ZNF143: variants seen among roughly 807,000 people sequenced by gnomAD.
ZNF143 encodes the protein SPH-binding factor.
In ZNF143, 49 loss-of-function variants were observed where a neutral mutation model predicts 74.1. That is an observed-to-expected ratio of 0.66 (90% CI 0.53 to 0.84). The LOEUF is 0.84. Ranked by LOEUF, ZNF143 falls within the 40% of genes least tolerant of loss-of-function variation. The probability of loss-of-function intolerance (pLI) is 0.00; values close to 1 mark genes in which losing one functional copy is unlikely to be tolerated. For synonymous variants in ZNF143, 304 were observed against 282.8 expected (o/e 1.07, Z -0.75); for missense variants, 637 against 793.4 (o/e 0.80, Z 2.37).
At chr11:9,469,131 CAA>C (rs1216508959) in intron 1 of ZNF143, among the ~76,000 whole-genome samples, 1 of 111,658 alleles carries the variant, frequency 9.0e-6, no homozygotes. Flanking sequence ...GATGCCATCT[CAA>C]AAAAAAAAAA....
intron 8 of ZNF143, among the ~76,000 whole-genome samples, chr11:9,495,960 C>G (rs917582034): frequency 6.6e-6 from 1 of 152,134 alleles, no homozygotes; most frequent in East Asian, 1.9e-4. Context: ...TAGCAGCAGC[C>G]TCCACACTCT....
At chr11:9,498,287 G>C (rs1277730108) in intron 10 of ZNF143, among the ~76,000 whole-genome samples, 1 of 152,224 alleles carries the variant, frequency 6.6e-6, no homozygotes, top group Non-Finnish European at 1.5e-5. Context: ...TCATAGCTCT[G>C]TTAGATTCTC....
At position 9,517,343 on chromosome 11, in the gene ZNF143, G is replaced by A. The variant is rs1005590497; in HGVS notation, c.1686+981G>A. Among the ~76,000 whole-genome samples the A allele has an allele frequency of 3.9e-5, 6 of 152,026 alleles. No individual in the cohort carries two copies. The East Asian group carries it at 1.2e-3, about 29-fold the overall frequency. On this transcript the variant is annotated intron_variant, in intron 14 of 15. Transcript: ENST00000396602. ...CTGCATTGTATTCCACTGTATGGAT[G>A]TGCCGCAATTAAAGTCTTTTGCTAT...
Position 9,496,355 on chromosome 11 carries a change from G to A in ZNF143, c.818G>A (p.Gly273Asp), listed in dbSNP as rs956739629. 21 of 1,614,090 alleles carry A rather than the reference G, an allele frequency of 1.3e-5. No individual in the cohort carries two copies. Among genetic ancestry groups the A allele is most frequent in the Non-Finnish European group, 1.8e-5 (21 of 1,180,014 alleles). ...GDRPYQCEHA[G>D]CGKAFATGYG... is the part of the protein sequence containing the mutation. ...CGGCCTTATCAGTGTGAGCATGCAGGCTGTGGGAAGGCATTTGCAACAGGT... is the reference window on the plus strand; with the variant it reads ...CGGCCTTATCAGTGTGAGCATGCAGACTGTGGGAAGGCATTTGCAACAGGT... The change falls in exon 9 of 16, where the codon GGC becomes GAC. Residue 273 changes from glycine (G) to aspartate (D), a missense_variant. This residue lies in a region of ZNF143 where 344 missense variants were observed against 485.6 expected (regional missense o/e 0.71). Transcript: ENST00000396602.
chr11:9,507,837 T>C (rs116461373), intron 11 of ZNF143, among the ~76,000 whole-genome samples: 2,868 of 152,348 alleles, frequency 0.019, 81 homozygotes, highest in African/African-American at 0.064. Flanking sequence ...TGCAACTGTT[T>C]CGGAATAATC....
intron 7 of ZNF143, among the ~76,000 whole-genome samples, chr11:9,487,600 G>A (rs1471311776): frequency 1.3e-5 from 2 of 152,048 alleles, no homozygotes; most frequent in African/African-American, 2.4e-5. Flanking sequence ...CTCATGATCC[G>A]CCTGCCTCGG....
In ZNF143 at chr11:9,491,630, T is replaced by A. The variant is rs1331343364; in HGVS notation, c.646-3016T>A. On this transcript the variant is annotated intron_variant, in intron 7 of 15. Coordinates refer to ENST00000396602, the MANE Select transcript of ZNF143 (RefSeq NM_003442.6). The stretch of plus-strand genomic sequence containing the variant: ...TCCAGCCTGGGGAACAGAGTGAGAC[T>A]CCGTCTCAAAAAAAAAAAAGACAGG... 2.7e-5 allele frequency among the ~76,000 whole-genome samples: 4 copies of A among 149,790 alleles called. 1 individual carries two copies. Among genetic ancestry groups the A allele is most frequent in the African/African-American group, 7.4e-5 (3 of 40,604 alleles).
At position 9,474,115 on chromosome 11, in the gene ZNF143, G is replaced by C. The variant is rs1048718338; in HGVS notation, c.289+91G>C. ...CAGCTCCCTCTTACTACCTAAACTT[G>C]GTCTTGTTCTCAAGTCCTCCTTCTG... On this transcript the variant is annotated intron_variant, in intron 4 of 15. Coordinates refer to ENST00000396602, the MANE Select transcript of ZNF143 (RefSeq NM_003442.6). 4.8e-6 allele frequency: 5 copies of C among 1,031,494 alleles called. No individual in the cohort carries two copies. In the Admixed American group the frequency reaches 7.1e-5, roughly 15 times the overall value. 63.9% of individuals were successfully genotyped at this position (1,031,494 alleles called of 1,614,324 possible). A position where few individuals can be genotyped will look rare whatever the true frequency, so the allele number is the denominator to read the frequency against.
intron 1 of ZNF143, chr11:9,463,709 A>G (rs1321497213): frequency 2.0e-5 from 3 of 152,222 alleles, no homozygotes; most frequent in Non-Finnish European, 4.4e-5. Context: ...CAAAATGTCC[A>G]TAGTCCTTTG....
At chr11:9,484,867 G>A (rs904252369) in intron 7 of ZNF143, among the ~76,000 whole-genome samples, 1 of 134,362 alleles carries the variant, frequency 7.4e-6, no homozygotes, top group Non-Finnish European at 1.5e-5. Context: ...GCGCGATCTT[G>A]GCTCACTGCA....
chr11:9,475,293 G>C (rs1590516378), intron 5 of ZNF143, among the ~76,000 whole-genome samples: 1 of 152,000 alleles, frequency 6.6e-6, no homozygotes, highest in Non-Finnish European at 1.5e-5. Context: ...TTAGAGATAA[G>C]ATCTTTGTTA....
chr11:9,504,775 A>G (rs1480324927), intron 11 of ZNF143, among the ~76,000 whole-genome samples: 1 of 117,036 alleles, frequency 8.5e-6, no homozygotes, highest in African/African-American at 2.7e-5. Context: ...CCTGGGTTCA[A>G]GCGATTCTCC....
At position 9,496,489 on chromosome 11, in the gene ZNF143, A is replaced by G. The variant is rs752553825; in HGVS notation, c.841+111A>G. On this transcript the variant is annotated intron_variant, in intron 9 of 15. Coordinates refer to ENST00000396602, the MANE Select transcript of ZNF143 (RefSeq NM_003442.6). ...GTGTCTGAATCTGCAGAAGCACATG[A>G]TCAGTTTTTCAGTCTCTCTCATAAC... is the stretch of plus-strand genomic sequence containing the variant. The G allele has an allele frequency of 4.7e-4, 418 of 888,822 alleles. No homozygotes were observed. Among genetic ancestry groups the G allele is most frequent in the Non-Finnish European group, 3.6e-4 (198 of 555,804 alleles). The allele number at this position is 888,822 out of a possible 1,614,324, so 55.1% of individuals were successfully genotyped here.
At chr11:9,527,488 C>T (rs751171087) in intron 15 of ZNF143, 42 bp from the exon 16 acceptor site, 2 of 1,584,880 alleles carry the variant, frequency 1.3e-6, no homozygotes, top group Non-Finnish European at 1.7e-6. Flanking sequence ...TTGACTGTGG[C>T]TTTTGAATTG....
At chr11:9,508,939 A>G (rs1848450930) in intron 12 of ZNF143, 93 bp downstream of exon 12, 3 of 1,295,336 alleles carry the variant, frequency 2.3e-6, no homozygotes, top group South Asian at 2.7e-5. Context: ...TGAAATCCTA[A>G]TGTGTCATTC....
At chr11:9,486,449 ATATATTAT>A (rs1565039588) in intron 7 of ZNF143, among the ~76,000 whole-genome samples, 36 of 70,268 alleles carry the variant, frequency 5.1e-4, no homozygotes, top group African/African-American at 1.9e-3. Flanking sequence ...AATATATTAT[ATATATTAT>A]ATATATATAA....
chr11:9,519,416 G>A (rs1848835468), intron 14 of ZNF143, among the ~76,000 whole-genome samples: 1 of 152,062 alleles, frequency 6.6e-6, no homozygotes, highest in Admixed American at 6.6e-5. Flanking sequence ...AAAGTGCTAG[G>A]ATTACAGGCG....
At position 9,486,370 on chromosome 11, in the gene ZNF143, TAA is replaced by T. The variant is rs1847489444; in HGVS notation, c.645+6825_645+6826del. The stretch of plus-strand genomic sequence containing the variant: ...ATATATATTATATATATATTATATA[TAA>T]TATATTATATATATAATATATATAA... On this transcript the variant is annotated intron_variant, in intron 7 of 15. Coordinates refer to ENST00000396602, the MANE Select transcript of ZNF143 (RefSeq NM_003442.6). Among the ~76,000 whole-genome samples, 5 of 43,786 alleles carry T rather than the reference TAA, an allele frequency of 1.1e-4. 2 individuals are homozygous for T. Among genetic ancestry groups the T allele is most frequent in the Admixed American group, 1.1e-3 (3 of 2,664 alleles). The allele number at this position is 43,786 out of a possible 152,430, so 28.7% of individuals were successfully genotyped here.
intron 7 of ZNF143, among the ~76,000 whole-genome samples, chr11:9,491,423 T>G (rs1049110492): frequency 4.0e-5 from 6 of 151,772 alleles, no homozygotes; most frequent in African/African-American, 1.5e-4. Flanking sequence ...GATCACGAGG[T>G]CAGGAGTTCA....
Sources: gnomAD v4.1 joint callset for allele counts (sites outside exome capture counted in the v4.1 genomes callset) on GRCh38, gnomAD v4.1.1 for gene constraint, gnomAD v4.1.1 regional missense constraint, MANE v1.5 for transcripts, NCBI Gene and HGNC (gene_info 2026-07-23, HGNC 2026-07-21) for gene names.